DIAPH3: variants seen among roughly 807,000 people sequenced by gnomAD.
DIAPH3 encodes the protein diaphanous related formin 3.
In DIAPH3, 117 loss-of-function variants were observed where a neutral mutation model predicts 144.3. The ratio of observed to expected loss-of-function variants is 0.81; its 90% CI spans 0.70 to 0.95. The LOEUF (loss-of-function observed/expected upper bound fraction) is 0.95, where lower values mean the gene tolerates loss of function less well. DIAPH3 is among the 40% of genes least tolerant of loss of function. The probability of loss-of-function intolerance (pLI) is 0.00; values close to 1 mark genes in which losing one functional copy is unlikely to be tolerated. For synonymous variants in DIAPH3, 519 were observed against 488.9 expected (o/e 1.06, Z -0.81); for missense variants, 1,421 against 1,412.7 (o/e 1.01, Z -0.09).
intron 14 of DIAPH3, 25 bp downstream of exon 14, chr13:59,980,770 T>A (rs753660459): frequency 6.3e-7 from 1 of 1,589,270 alleles, no homozygotes; most frequent in South Asian, 1.1e-5. Flanking sequence ...CACAGAATAC[T>A]ATAAAGTTAG....
At chr13:60,089,556 T>C (rs2057863071) in intron 4 of DIAPH3, among the ~76,000 whole-genome samples, 1 of 152,210 alleles carries the variant, frequency 6.6e-6, no homozygotes, top group Non-Finnish European at 1.5e-5. Flanking sequence ...AATTTTCTTG[T>C]TCTTACATTT....
intron 5 of DIAPH3, among the ~76,000 whole-genome samples, chr13:60,023,738 T>C (rs1338717527): frequency 6.8e-6 from 1 of 146,250 alleles, no homozygotes; most frequent in South Asian, 2.2e-4. Context: ...CCAGCCTAGT[T>C]CTCAGGAATT....
rs925717401 is a variant in DIAPH3, at chr13:59,970,796, T to C, written c.1959+56A>G. ...TCATTAGAAATTATGTATATATAAA[T>C]CCAAAATTAGATTTAGATCTAAGTA... On this transcript the variant is annotated intron_variant, in intron 16 of 27. Coordinates refer to ENST00000400324, the MANE Select transcript of DIAPH3 (RefSeq NM_001042517.2). 17 of 1,488,516 alleles carry C rather than the reference T, an allele frequency of 1.1e-5. No homozygotes were observed. In the South Asian group the frequency reaches 2.0e-4, roughly 18 times the overall value. 92.2% of individuals were successfully genotyped at this position (1,488,516 alleles called of 1,614,324 possible).
intron 2 of DIAPH3, among the ~76,000 whole-genome samples, chr13:60,117,785 A>C (rs1477852683): frequency 6.6e-6 from 1 of 152,190 alleles, no homozygotes; most frequent in African/African-American, 2.4e-5. Flanking sequence ...TAAAAATATG[A>C]CAGGAATCCC....
At chr13:59,688,041 A>G (rs546058605) in intron 27 of DIAPH3, among the ~76,000 whole-genome samples, 74 of 152,176 alleles carry the variant, frequency 4.9e-4, no homozygotes, top group Non-Finnish European at 8.5e-4. Flanking sequence ...TCCAAAATCA[A>G]TACCAAAGAT....
At chr13:60,114,279 A>G (rs551698537) in intron 2 of DIAPH3, among the ~76,000 whole-genome samples, 20 of 152,186 alleles carry the variant, frequency 1.3e-4, no homozygotes, top group Admixed American at 3.9e-4. Flanking sequence ...TAAGAAAAAA[A>G]AAAACACGGA....
chr13:60,141,857 A>C (rs1343689446), intron 1 of DIAPH3, among the ~76,000 whole-genome samples: 1 of 152,254 alleles, frequency 6.6e-6, no homozygotes, highest in Non-Finnish European at 1.5e-5. Flanking sequence ...GCAGGTTGCA[A>C]TTTTAAACAT....
At chr13:59,693,813 A>G (rs558008038) in intron 27 of DIAPH3, among the ~76,000 whole-genome samples, 1 of 152,308 alleles carries the variant, frequency 6.6e-6, no homozygotes, top group Non-Finnish European at 1.5e-5. Flanking sequence ...TTAAATCTGA[A>G]TTTTAAATGA....
intron 9 of DIAPH3, among the ~76,000 whole-genome samples, 156 bp downstream of exon 9, chr13:60,008,388 T>C (rs890483862): frequency 6.6e-6 from 1 of 152,016 alleles, no homozygotes; most frequent in Non-Finnish European, 1.5e-5. Flanking sequence ...AAAGCAAGAC[T>C]CCGTCTCAAA....
At chr13:60,040,588 G>A (rs2055589194) in intron 5 of DIAPH3, among the ~76,000 whole-genome samples, 2 of 152,110 alleles carry the variant, frequency 1.3e-5, no homozygotes, top group Admixed American at 1.3e-4. Flanking sequence ...CTTTTGAGTA[G>A]ATGAAGAGGA....
intron 1 of DIAPH3, among the ~76,000 whole-genome samples, chr13:60,148,604 A>T (rs1054129967): frequency 2.6e-5 from 4 of 152,188 alleles, no homozygotes; most frequent in Admixed American, 2.0e-4. Flanking sequence ...ACTTGGAAAG[A>T]CTCATTTTAA....
At chr13:59,850,451 T>C (rs1324764964) in intron 22 of DIAPH3, among the ~76,000 whole-genome samples, 1 of 151,824 alleles carries the variant, frequency 6.6e-6, no homozygotes, top group African/African-American at 2.4e-5. Context: ...ATATTGGCTG[T>C]GGGTCTGTCA....
intron 2 of DIAPH3, among the ~76,000 whole-genome samples, chr13:60,120,762 G>A (rs2058825104): frequency 6.6e-6 from 1 of 152,128 alleles, no homozygotes; most frequent in Non-Finnish European, 1.5e-5. Context: ...TGCCAGTCAT[G>A]AGTGAGCCAC....
intron 21 of DIAPH3, among the ~76,000 whole-genome samples, chr13:59,868,773 C>T (rs1030499158): frequency 6.6e-6 from 1 of 152,082 alleles, no homozygotes; most frequent in African/African-American, 2.4e-5. Context: ...TTTATTGTCT[C>T]TAGACTTTTG....
intron 27 of DIAPH3, among the ~76,000 whole-genome samples, chr13:59,713,238 G>GTT (rs143626961): frequency 1.2e-4 from 17 of 140,854 alleles, no homozygotes; most frequent in Admixed American, 5.7e-4. Flanking sequence ...TAATCTGAAG[G>GTT]TTTTTTTTTT....
At chr13:59,898,718 C>T (rs1175283934) in intron 20 of DIAPH3, among the ~76,000 whole-genome samples, 3 of 151,934 alleles carry the variant, frequency 2.0e-5, no homozygotes, top group African/African-American at 4.8e-5. Flanking sequence ...GTGGACAGAG[C>T]GTAATACAGT....
At chr13:59,994,509 A>C (rs2052062093) in intron 9 of DIAPH3, among the ~76,000 whole-genome samples, 1 of 151,930 alleles carries the variant, frequency 6.6e-6, no homozygotes, top group Non-Finnish European at 1.5e-5. Flanking sequence ...TTAACAGGAC[A>C]TTTTGCCTGT....
intron 27 of DIAPH3, among the ~76,000 whole-genome samples, chr13:59,686,500 T>C (rs1386442347): frequency 6.7e-6 from 1 of 148,512 alleles, no homozygotes; most frequent in East Asian, 2.1e-4. Context: ...GAAAGCACTT[T>C]GGGCTCTTCA....
intron 3 of DIAPH3, among the ~76,000 whole-genome samples, chr13:60,103,252 T>C (rs2058323024): frequency 6.6e-6 from 1 of 150,534 alleles, no homozygotes; most frequent in Non-Finnish European, 1.5e-5. Flanking sequence ...AATGAGAGAG[T>C]GGACATTTTT....
Sources: allele counts gnomAD v4.1 joint callset (sites outside exome capture counted in the v4.1 genomes callset), GRCh38; gene constraint gnomAD v4.1.1; transcripts MANE v1.5; gene names NCBI Gene and HGNC (gene_info 2026-07-23, HGNC 2026-07-21).